The following FRMD4A variants were observed in gnomAD, a reference collection of about 807,000 sequenced individuals.
FRMD4A encodes the protein FERM domain containing 4A.
In FRMD4A, 29 loss-of-function variants were observed where a neutral mutation model predicts 129.1. That is an observed-to-expected ratio of 0.22 (90% CI 0.17 to 0.31). The LOEUF (loss-of-function observed/expected upper bound fraction) is 0.31. Among genes scored for constraint, FRMD4A ranks in the 10% least tolerant of loss-of-function variants. The pLI, the probability that FRMD4A is intolerant of heterozygous loss-of-function variation, is 1.00. For synonymous variants in FRMD4A, 634 were observed against 571.6 expected (o/e 1.11, Z -1.56); for missense variants, 1,272 against 1,375.8 (o/e 0.92, Z 1.19).
intron 2 of FRMD4A, among the ~76,000 whole-genome samples, chr10:14,104,021 G>A (rs1281834877): frequency 1.3e-5 from 2 of 152,162 alleles, no homozygotes; most frequent in Non-Finnish European, 2.9e-5. Context: ...GCTGTAAATT[G>A]GAGCAAATGC....
chr10:13,739,825 C>T (rs1017549446), intron 11 of FRMD4A, among the ~76,000 whole-genome samples: 1 of 152,186 alleles, frequency 6.6e-6, no homozygotes, highest in Non-Finnish European at 1.5e-5. Context: ...GAGGGCCAGG[C>T]GCGGTGGCTC....
chr10:13,851,487 C>T (rs965941822), intron 3 of FRMD4A, among the ~76,000 whole-genome samples: 6 of 152,164 alleles, frequency 3.9e-5, no homozygotes, highest in Non-Finnish European at 7.3e-5. Flanking sequence ...AGCCTCTCCC[C>T]ATTGCTTGCA....
chr10:13,661,492 C>T (rs1156305021), intron 19 of FRMD4A, among the ~76,000 whole-genome samples: 2 of 152,158 alleles, frequency 1.3e-5, no homozygotes, highest in African/African-American at 4.8e-5. Flanking sequence ...CCAGCACAGC[C>T]GCCTTCTGTG....
chr10:13,730,139 T>C (rs1227402632), intron 12 of FRMD4A, among the ~76,000 whole-genome samples: 1 of 152,152 alleles, frequency 6.6e-6, no homozygotes. Flanking sequence ...TTACTGACGC[T>C]GCAAACAAGG....
At chr10:13,699,780 A>G (rs2086625984) in intron 14 of FRMD4A, among the ~76,000 whole-genome samples, 1 of 152,056 alleles carries the variant, frequency 6.6e-6, no homozygotes, top group Non-Finnish European at 1.5e-5. Flanking sequence ...GGACAGCAAA[A>G]CCCTGACACC....
At chr10:14,257,763 C>T (rs936951487) in intron 2 of FRMD4A, among the ~76,000 whole-genome samples, 19 of 152,170 alleles carry the variant, frequency 1.2e-4, no homozygotes, top group Admixed American at 2.0e-4. Context: ...GAGTGCCACC[C>T]GCCACCAGAA....
At chr10:13,754,231 A>C (rs2091759431) in intron 8 of FRMD4A, among the ~76,000 whole-genome samples, 1 of 151,412 alleles carries the variant, frequency 6.6e-6, no homozygotes. Context: ...ATAATACAAA[A>C]TTTCCTCCTT....
intron 4 of FRMD4A, among the ~76,000 whole-genome samples, chr10:13,806,930 C>A (rs2093366078): frequency 6.6e-6 from 1 of 152,230 alleles, no homozygotes; most frequent in Admixed American, 6.5e-5. Flanking sequence ...GCCACAGCCT[C>A]CCAAGTAGCT....
chr10:14,003,447 G>A (rs2095650105), intron 2 of FRMD4A: 1 of 152,264 alleles, frequency 6.6e-6, no homozygotes. Context: ...GTCTGTGGGT[G>A]TGGATATTAG....
chr10:13,731,437 TGAG>T (rs1368548741), intron 12 of FRMD4A, among the ~76,000 whole-genome samples: 1 of 152,058 alleles, frequency 6.6e-6, no homozygotes, highest in East Asian at 1.9e-4. Context: ...TCCCCTGAGG[TGAG>T]GAGATCAAGA....
chr10:13,807,982 A>G (rs1318448459), intron 4 of FRMD4A, among the ~76,000 whole-genome samples: 1 of 152,032 alleles, frequency 6.6e-6, no homozygotes, highest in African/African-American at 2.4e-5. Context: ...TATTTTTAGT[A>G]GAGACGGGGT....
Position 14,243,479 on chromosome 10 carries a change from T to C in FRMD4A, c.45+86579A>G, listed in dbSNP as rs188981351. 9.8e-5 allele frequency among the ~76,000 whole-genome samples: 15 copies of C among 152,324 alleles called. No individual in the cohort carries two copies. In the East Asian group the frequency reaches 2.1e-3, roughly 22 times the overall value. On this transcript the variant is annotated intron_variant, in intron 2 of 24. Transcript: ENST00000357447. ...ACTGTGAGTCAATCAAACCTCTTTT[T>C]TTAAATAAATTACCCAGTCTCAGGC...
intron 2 of FRMD4A, among the ~76,000 whole-genome samples, chr10:14,243,051 T>C (rs974088339): frequency 1.8e-5 from 1 of 56,960 alleles, no homozygotes; most frequent in South Asian, 5.6e-4. Flanking sequence ...TATCTGTCCA[T>C]CCCTCCATCC....
At chr10:13,707,522 G>A in intron 12 of FRMD4A, 1 of 1,005,410 alleles carries the variant, frequency 9.9e-7, no homozygotes, top group Non-Finnish European at 1.2e-6. Context: ...CGAGAGGAGC[G>A]AGCGCTCAGG....
chr10:14,327,633 C>T (rs2132129243), intron 2 of FRMD4A, among the ~76,000 whole-genome samples: 1 of 152,354 alleles, frequency 6.6e-6, no homozygotes, highest in African/African-American at 2.4e-5. Context: ...AGCATCTAAG[C>T]TGAATGTAAC....
At chr10:13,992,952 CAAAAAAAAAA>C (rs10648349) in intron 2 of FRMD4A, among the ~76,000 whole-genome samples, 184 of 65,998 alleles carry the variant, frequency 2.8e-3, no homozygotes, top group African/African-American at 0.012. Context: ...GACTCTGTCT[CAAAAAAAAAA>C]AAAAAAAAAA....
intron 2 of FRMD4A, among the ~76,000 whole-genome samples, chr10:14,188,970 C>T (rs1318880114): frequency 1.3e-5 from 2 of 152,210 alleles, no homozygotes; most frequent in Non-Finnish European, 2.9e-5. Flanking sequence ...CCCTGAGCAA[C>T]CCAGCTCACC....
chr10:13,978,692 G>A (rs948561408), intron 2 of FRMD4A, among the ~76,000 whole-genome samples: 1 of 152,072 alleles, frequency 6.6e-6, no homozygotes. Context: ...TGGCATCATC[G>A]TTTCTCAACC....
Position 13,671,376 on chromosome 10 carries a change from C to T in FRMD4A, c.1252-848G>A, listed in dbSNP as rs904514673. On this transcript the variant is annotated intron_variant, in intron 16 of 24. Transcript: ENST00000357447. ...AGCTGAGGCAGGAGAATCGCTTGAA[C>T]CCGGGAGGCGGAGGTTGCAGTGAGC... 5.3e-5 allele frequency among the ~76,000 whole-genome samples: 8 copies of T among 152,238 alleles called. 1 individual carries two copies. Among genetic ancestry groups the T allele is most frequent in the Admixed American group, 3.3e-4 (5 of 15,288 alleles).
Sources: allele counts gnomAD v4.1 joint callset (sites outside exome capture counted in the v4.1 genomes callset), GRCh38; gene constraint gnomAD v4.1.1; transcripts MANE v1.5; gene names NCBI Gene and HGNC (gene_info 2026-07-23, HGNC 2026-07-21).